The following PDK1 variants were observed in gnomAD, a reference collection of about 807,000 sequenced individuals.
PDK1 encodes pyruvate dehydrogenase kinase 1, also known as [Pyruvate dehydrogenase (acetyl-transferring)] kinase isozyme 1, mitochondrial.
Under a neutral mutation model 54.2 loss-of-function variants are expected in PDK1, and 39 were observed. That is an observed-to-expected ratio of 0.72 (90% confidence interval 0.56 to 0.94). The LOEUF is 0.94. Ranked by LOEUF, PDK1 falls within the 40% of genes least tolerant of loss-of-function variation. PDK1 has a pLI of 0.00. For missense variants in PDK1, 552 were observed against 566.0 expected (o/e 0.98, Z 0.25); for synonymous variants, 221 against 207.1 (o/e 1.07, Z -0.58).
intron 9 of PDK1, among the ~76,000 whole-genome samples, chr2:172,592,420 C>CCTCTCTCTGTCTCTGACTTTGTCTCTTT (rs1403579050): frequency 1.3e-4 from 19 of 150,784 alleles, no homozygotes; most frequent in Non-Finnish European, 2.5e-4. Context: ...CCTGTCTCTT[C>CCTCTCTCTGTCTCTGACTTTGTCTCTTT]CTCTCTCTGT....
intron 3 of PDK1, chr2:172,564,018 G>A: frequency 2.1e-6 from 1 of 471,120 alleles, no homozygotes; most frequent in Non-Finnish European, 4.4e-6. Context: ...CTGTTTTTCT[G>A]TCCTAAGTGT....
At chr2:172,622,870 T>C in the PDK1 span, among the ~76,000 whole-genome samples, 1 of 147,690 alleles carries the variant, frequency 6.8e-6, no homozygotes, top group Non-Finnish European at 1.5e-5. Flanking sequence ...TAATATAATA[T>C]GATATATGTT....
At chr2:172,706,914 G>C in the PDK1 span, among the ~76,000 whole-genome samples, 3 of 152,272 alleles carry the variant, frequency 2.0e-5, no homozygotes, top group South Asian at 6.2e-4. Context: ...CATCATCCAG[G>C]GGGAGGGTCT....
In PDK1 at chr2:172,566,901, ACT is replaced by A; in HGVS notation, c.741_742del (p.Pro248ArgfsTer5). 2.5e-6 allele frequency: 4 copies of A among 1,610,348 alleles called. No homozygotes were observed. The highest frequency in any genetic ancestry group is 3.4e-6 in the Non-Finnish European group (4 of 1,177,294). On this transcript the variant is annotated frameshift_variant, in exon 6 of 11. Coordinates refer to ENST00000282077, the MANE Select transcript of PDK1 (RefSeq NM_002610.5). LOFTEE classifies it high-confidence loss of function. Reference sequence around the variant, plus strand: ...CGTCTGTGTGATTTGTATTATATTAACTCTCCCGAACTAGAACTTGAAGAACT... The same window carrying A: ...CGTCTGTGTGATTTGTATTATATTAACTCCCGAACTAGAACTTGAAGAACT...
intron 8 of PDK1, among the ~76,000 whole-genome samples, chr2:172,585,559 C>T (rs1690177006): frequency 6.6e-6 from 1 of 152,008 alleles, no homozygotes; most frequent in Non-Finnish European, 1.5e-5. Flanking sequence ...CTCCTGACCT[C>T]AAGTGATTCA....
At chr2:172,706,472 C>T in the PDK1 span, among the ~76,000 whole-genome samples, 4 of 151,320 alleles carry the variant, frequency 2.6e-5, no homozygotes, top group East Asian at 1.9e-4. Context: ...TTGCCCAGGC[C>T]GGAGTGCAGT....
At chr2:172,622,288 TTA>T in the PDK1 span, among the ~76,000 whole-genome samples, 2 of 146,948 alleles carry the variant, frequency 1.4e-5, no homozygotes, top group Non-Finnish European at 3.0e-5. Context: ...ATCTCATATA[TTA>T]TGTGAGATAT....
chr2:172,566,731 A>G (rs142209356), intron 5 of PDK1, 125 bp from the exon 6 acceptor site: 1 of 511,688 alleles, frequency 2.0e-6, no homozygotes, highest in Non-Finnish European at 3.3e-6. Flanking sequence ...TCACCAAACT[A>G]TCAAAGTATA....
chr2:172,718,486 A>G, the PDK1 span, among the ~76,000 whole-genome samples: 3 of 152,262 alleles, frequency 2.0e-5, no homozygotes, highest in Non-Finnish European at 2.9e-5. Context: ...TCTGTAAGAT[A>G]TATTTTAGAA....
chr2:172,669,208 T>C, the PDK1 span, among the ~76,000 whole-genome samples: 55 of 151,576 alleles, frequency 3.6e-4, no homozygotes, highest in African/African-American at 1.1e-3. Context: ...TACAGGCGTC[T>C]GCCACTACGC....
chr2:172,555,443 A>G (rs945032102), upstream of PDK1: 1 of 152,200 alleles, frequency 6.6e-6, no homozygotes, highest in Non-Finnish European at 1.5e-5. Context: ...AAAGGCACAG[A>G]GCCAGTACAT....
At chr2:172,702,988 G>GA in the PDK1 span, among the ~76,000 whole-genome samples, 1 of 151,998 alleles carries the variant, frequency 6.6e-6, no homozygotes, top group South Asian at 2.1e-4. Flanking sequence ...ACCTTATAAG[G>GA]AAAAAAAATA....
At chr2:172,706,335 AC>A in the PDK1 span, among the ~76,000 whole-genome samples, 1 of 151,622 alleles carries the variant, frequency 6.6e-6, no homozygotes, top group Non-Finnish European at 1.5e-5. Context: ...GCTTATTGTA[AC>A]ATTTTTATGA....
chr2:172,669,272 C>T, the PDK1 span, among the ~76,000 whole-genome samples: 5 of 151,936 alleles, frequency 3.3e-5, no homozygotes, highest in Non-Finnish European at 7.4e-5. Flanking sequence ...TGGTCTCGAT[C>T]TCCTGACCCT....
intron 8 of PDK1, among the ~76,000 whole-genome samples, chr2:172,573,536 T>C (rs1558938610): frequency 6.6e-6 from 1 of 151,572 alleles, no homozygotes; most frequent in African/African-American, 2.4e-5. Flanking sequence ...CATATACATA[T>C]ATACATACAT....
the PDK1 span, among the ~76,000 whole-genome samples, chr2:172,628,431 C>A: frequency 2.0e-5 from 3 of 152,182 alleles, no homozygotes; most frequent in African/African-American, 7.2e-5. Flanking sequence ...ATCATCACTC[C>A]TGTTTGCAGT....
the PDK1 span, among the ~76,000 whole-genome samples, chr2:172,624,099 G>A: frequency 1.1e-4 from 16 of 152,148 alleles, no homozygotes; most frequent in East Asian, 1.9e-4. Flanking sequence ...TCTGGGGTGC[G>A]TCTCAGGCTG....
chr2:172,627,499 A>G, the PDK1 span, among the ~76,000 whole-genome samples: 3 of 152,236 alleles, frequency 2.0e-5, no homozygotes, highest in Non-Finnish European at 4.4e-5. Context: ...TATGCACAGT[A>G]TCAAGAAAGC....
the PDK1 span, among the ~76,000 whole-genome samples, chr2:172,666,038 T>C: frequency 0.055 from 8,363 of 152,302 alleles, 971 homozygotes; most frequent in East Asian, 0.53. Context: ...GATTTCCTCT[T>C]CCCAGATTTC....
Sources: gnomAD v4.1 joint callset for allele counts (sites outside exome capture counted in the v4.1 genomes callset) on GRCh38, gnomAD v4.1.1 for gene constraint, MANE v1.5 for transcripts, NCBI Gene and HGNC (gene_info 2026-07-23, HGNC 2026-07-21) for gene names.